The following SEMA5A variants were observed in gnomAD, a reference collection of about 807,000 sequenced individuals.
The protein encoded by SEMA5A is semaphorin-5A.
A neutral mutation model predicts 135.5 loss-of-function variants in SEMA5A; 55 were observed. The observed-to-expected ratio is 0.41, with a 90% CI of 0.33 to 0.51. SEMA5A has a LOEUF of 0.51. Ranked by LOEUF, SEMA5A falls within the 20% of genes least tolerant of loss-of-function variation. The pLI is 0.37. For missense variants in SEMA5A, 1,290 were observed against 1,419.9 expected, an observed-to-expected ratio of 0.91 and a Z score of 1.47; for synonymous variants, 580 against 546.5, an observed-to-expected ratio of 1.06 and a Z score of -0.85.
chr5:9,434,490 T>C lies in SEMA5A; in HGVS notation c.-78+3266A>G, dbSNP rs569682490. ...AAAATCTTACTGACCACATGGATGA[T>C]AAAGTGCAAACACCTGTACTCCAGA... is the stretch of plus-strand genomic sequence containing the variant. On this transcript the variant is annotated intron_variant, in intron 2 of 22. Coordinates refer to ENST00000382496, the MANE Select transcript of SEMA5A (RefSeq NM_003966.3). Among the ~76,000 whole-genome samples, 207 of 152,236 alleles carry C rather than the reference T, an allele frequency of 1.4e-3. 1 individual carries two copies. Among genetic ancestry groups the C allele is most frequent in the Non-Finnish European group, 2.4e-3 (165 of 67,996 alleles).
chr5:9,104,129 T>C (rs892861567), intron 16 of SEMA5A, among the ~76,000 whole-genome samples: 1 of 152,162 alleles, frequency 6.6e-6, no homozygotes, highest in African/African-American at 2.4e-5. Flanking sequence ...GAGGACCAGT[T>C]CTCAAATGCT....
chr5:9,146,553 G>A (rs1416026107), intron 12 of SEMA5A, among the ~76,000 whole-genome samples: 1 of 152,138 alleles, frequency 6.6e-6, no homozygotes, highest in Non-Finnish European at 1.5e-5. Flanking sequence ...AACATTAGGT[G>A]AGGAGATTAG....
At chr5:9,111,736 T>C (rs1740251923) in intron 15 of SEMA5A, among the ~76,000 whole-genome samples, 2 of 152,118 alleles carry the variant, frequency 1.3e-5, no homozygotes, top group Non-Finnish European at 2.9e-5. Flanking sequence ...GGGTTTTCAC[T>C]TAGGAATTCA....
intron 11 of SEMA5A, among the ~76,000 whole-genome samples, chr5:9,166,552 C>G (rs1021934919): frequency 6.6e-6 from 1 of 152,160 alleles, no homozygotes; most frequent in East Asian, 1.9e-4. Flanking sequence ...CAAGTTTTGT[C>G]TAAAATCAGC....
chr5:9,101,509 A>G (rs1739630669), intron 16 of SEMA5A, among the ~76,000 whole-genome samples: 1 of 152,250 alleles, frequency 6.6e-6, no homozygotes, highest in Non-Finnish European at 1.5e-5. Flanking sequence ...GATGATGGTG[A>G]TGAAGAATAT....
In SEMA5A at chr5:9,318,704, G is replaced by A. The variant is rs150112128; in HGVS notation, c.225-287C>T. On this transcript the variant is annotated intron_variant, in intron 4 of 22. Coordinates refer to ENST00000382496, the MANE Select transcript of SEMA5A (RefSeq NM_003966.3). The stretch of plus-strand genomic sequence containing the variant: ...TTAACTGGATCTCTTGATCTATATG[G>A]AATAAATAAAAGGACATGGGCATTC... 1.7e-3 allele frequency among the ~76,000 whole-genome samples: 254 copies of A among 152,200 alleles called. 2 individuals carry two copies. Among genetic ancestry groups the A allele is most frequent in the Non-Finnish European group, 1.7e-3 (118 of 68,002 alleles).
At chr5:9,398,645 C>T (rs1756512670) in intron 2 of SEMA5A, among the ~76,000 whole-genome samples, 1 of 152,216 alleles carries the variant, frequency 6.6e-6, no homozygotes, top group African/African-American at 2.4e-5. Context: ...GCCCTTCTGC[C>T]CTTCAGATGA....
intron 5 of SEMA5A, among the ~76,000 whole-genome samples, chr5:9,281,785 T>C (rs1193718559): frequency 6.6e-6 from 1 of 150,536 alleles, no homozygotes; most frequent in African/African-American, 2.4e-5. Context: ...CTAATGGACA[T>C]CAGTCAATAA....
chr5:9,431,239 G>A (rs1757846861), intron 2 of SEMA5A, among the ~76,000 whole-genome samples: 1 of 151,932 alleles, frequency 6.6e-6, no homozygotes. Context: ...CTGTGATAAG[G>A]GTACCCCAAT....
intron 1 of SEMA5A, among the ~76,000 whole-genome samples, chr5:9,527,909 C>G (rs462057): frequency 0.34 from 51,801 of 152,008 alleles, 9,006 homozygotes; most frequent in East Asian, 0.4. Context: ...GTGAAAAGGC[C>G]TAGAAGATCT....
At position 9,303,079 on chromosome 5, in the gene SEMA5A, T is replaced by TACAC. The variant is rs556100328; in HGVS notation, c.270+15289_270+15292dup. Among the ~76,000 whole-genome samples, 69 of 149,802 alleles carry TACAC rather than the reference T, an allele frequency of 4.6e-4. 1 individual carries two copies. In the East Asian group the frequency reaches 0.012, roughly 26 times the overall value. ...TTTCAAATAGTAAATTTAACTTAAA[T>TACAC]ACACACACACACACACATACACACA... On this transcript the variant is annotated intron_variant, in intron 5 of 22. Coordinates refer to ENST00000382496, the MANE Select transcript of SEMA5A (RefSeq NM_003966.3).
At chr5:9,486,112 C>T (rs562924304) in intron 1 of SEMA5A, among the ~76,000 whole-genome samples, 7 of 152,222 alleles carry the variant, frequency 4.6e-5, no homozygotes, top group South Asian at 2.1e-4. Flanking sequence ...GAGATCATGT[C>T]GTCTTCAGGG....
chr5:9,229,539 A>T (rs998482179), intron 6 of SEMA5A, among the ~76,000 whole-genome samples: 4 of 152,274 alleles, frequency 2.6e-5, no homozygotes, highest in African/African-American at 9.6e-5. Flanking sequence ...CCACAAAGAC[A>T]TCTTCCAGAA....
chr5:9,531,854 C>T (rs181810386), intron 1 of SEMA5A, among the ~76,000 whole-genome samples: 1 of 152,168 alleles, frequency 6.6e-6, no homozygotes, highest in Non-Finnish European at 1.5e-5. Flanking sequence ...AGTATCTTTG[C>T]TGGAGCAAGA....
intron 11 of SEMA5A, among the ~76,000 whole-genome samples, chr5:9,161,138 T>C (rs1487286212): frequency 1.3e-5 from 2 of 152,278 alleles, no homozygotes; most frequent in East Asian, 3.9e-4. Flanking sequence ...GGAATTTTTT[T>C]TTTTTAATGG....
rs139931023 is a variant in SEMA5A at position 9,428,489 on chromosome 5, T to C, written c.-78+9267A>G. Among the ~76,000 whole-genome samples, 331 of 152,312 alleles carry C rather than the reference T, an allele frequency of 2.2e-3. 1 individual carries two copies. Among genetic ancestry groups the C allele is most frequent in the Middle Eastern group, 0.014 (4 of 294 alleles). ...CCTACAGTGCAGGAAAGCAGCTACA[T>C]TGGTTTCGGTCTTGGTGCTATTTGA... is the stretch of plus-strand genomic sequence containing the variant. On this transcript the variant is annotated intron_variant, in intron 2 of 22. Transcript: ENST00000382496.
chr5:9,382,936 T>C (rs1290854247), intron 2 of SEMA5A, among the ~76,000 whole-genome samples: 1 of 152,156 alleles, frequency 6.6e-6, no homozygotes, highest in Non-Finnish European at 1.5e-5. Context: ...AAACAGGTAA[T>C]GGCACTGCAA....
At chr5:9,280,289 C>T (rs1174990657) in intron 5 of SEMA5A, among the ~76,000 whole-genome samples, 1 of 152,116 alleles carries the variant, frequency 6.6e-6, no homozygotes, top group Non-Finnish European at 1.5e-5. Flanking sequence ...CTACAAAAAG[C>T]ACATGATCCC....
rs148671593 is a variant in SEMA5A at position 9,144,531 on chromosome 5, C to T, written c.1482-7910G>A. On this transcript the variant is annotated intron_variant, in intron 12 of 22. Transcript: ENST00000382496. ...CAGAAAGAACATTTGTCCCTCTCAG[C>T]GGGTAGTTACAGCAAGTGTGAGGTC... is the stretch of plus-strand genomic sequence containing the variant. Among the ~76,000 whole-genome samples the T allele has an allele frequency of 4.5e-3, 688 of 152,240 alleles. 2 individuals are homozygous for T. The highest frequency in any genetic ancestry group is 0.021 in the South Asian group (102 of 4,824).
Sources: gnomAD v4.1 joint callset for allele counts (sites outside exome capture counted in the v4.1 genomes callset) on GRCh38, gnomAD v4.1.1 for gene constraint, MANE v1.5 for transcripts, NCBI Gene and HGNC (gene_info 2026-07-23, HGNC 2026-07-21) for gene names.